Variants in ERCC6L2 observed in about 807,000 individuals in gnomAD.
The protein encoded by ERCC6L2 is DNA excision repair protein ERCC-6-like 2.
Under a neutral mutation model 132.0 loss-of-function variants are expected in ERCC6L2, and 77 were observed. That is an observed-to-expected ratio of 0.58 (90% CI 0.49 to 0.71). The LOEUF (loss-of-function observed/expected upper bound fraction) is 0.71. Ranked by LOEUF, ERCC6L2 falls within the 30% of genes least tolerant of loss-of-function variation. The pLI is 0.00. For missense variants in ERCC6L2, 1,542 were observed against 1,837.6 expected (o/e 0.84, Z 2.94); for synonymous variants, 583 against 632.4 (o/e 0.92, Z 1.17).
chr9:95,975,608 C>T (rs1832635296), intron 16 of ERCC6L2, among the ~76,000 whole-genome samples: 1 of 148,864 alleles, frequency 6.7e-6, no homozygotes, highest in African/African-American at 2.5e-5. Context: ...GTGTTGTTTT[C>T]ACTCAAATTT....
At chr9:95,883,064 G>C (rs921506189) in intron 2 of ERCC6L2, among the ~76,000 whole-genome samples, 3 of 152,074 alleles carry the variant, frequency 2.0e-5, no homozygotes, top group African/African-American at 7.2e-5. Flanking sequence ...ACTTGTATTT[G>C]TTTTATCTGA....
intron 19 of ERCC6L2, among the ~76,000 whole-genome samples, chr9:96,037,560 A>G (rs1465296432): frequency 1.3e-5 from 2 of 152,212 alleles, no homozygotes; most frequent in African/African-American, 4.8e-5. Flanking sequence ...GTGGAGAGAG[A>G]TGCTGTCCAC....
chr9:95,962,036 A>G (rs1172323159), intron 13 of ERCC6L2, among the ~76,000 whole-genome samples: 2 of 152,140 alleles, frequency 1.3e-5, no homozygotes, highest in Non-Finnish European at 2.9e-5. Context: ...CTGCAATTCA[A>G]GATGAGATTT....
intron 19 of ERCC6L2, among the ~76,000 whole-genome samples, chr9:96,027,128 C>CAT (rs1834387609): frequency 6.6e-6 from 1 of 150,780 alleles, no homozygotes; most frequent in Non-Finnish European, 1.5e-5. Context: ...ACACACACCA[C>CAT]ACACAACACA....
At chr9:95,894,533 T>C (rs968209724) in intron 2 of ERCC6L2, among the ~76,000 whole-genome samples, 1 of 151,806 alleles carries the variant, frequency 6.6e-6, no homozygotes, top group African/African-American at 2.4e-5. Context: ...TTCTGTATGG[T>C]TTCTGTCTAC....
intron 17 of ERCC6L2, among the ~76,000 whole-genome samples, chr9:95,988,475 T>C (rs1454082114): frequency 6.6e-6 from 1 of 152,222 alleles, no homozygotes; most frequent in African/African-American, 2.4e-5. Context: ...TAACATTACC[T>C]GCTTCAAAAT....
chr9:95,965,272 T>G (rs1832100469), intron 13 of ERCC6L2, among the ~76,000 whole-genome samples: 1 of 152,184 alleles, frequency 6.6e-6, no homozygotes, highest in Non-Finnish European at 1.5e-5. Context: ...TGTGAGCAAG[T>G]CACTTAATTT....
intron 3 of ERCC6L2, chr9:95,905,213 A>G (rs1828972349): frequency 6.6e-6 from 1 of 152,198 alleles, no homozygotes; most frequent in Non-Finnish European, 1.5e-5. Context: ...TATTTATTGG[A>G]TTGTAGGAAA....
intron 4 of ERCC6L2, among the ~76,000 whole-genome samples, chr9:95,913,486 C>T (rs1410297): frequency 0.093 from 14,167 of 152,148 alleles, 764 homozygotes; most frequent in Admixed American, 0.14. Context: ...CTCTTTCTCT[C>T]TTTCTTTCTT....
intron 3 of ERCC6L2, among the ~76,000 whole-genome samples, chr9:95,898,995 GT>G (rs1192949435): frequency 1.3e-5 from 2 of 152,080 alleles, no homozygotes; most frequent in African/African-American, 2.4e-5. Context: ...CTCAAGTACT[GT>G]TTTTAGCTCT....
At chr9:95,948,573 G>T (rs892020607) in intron 12 of ERCC6L2, among the ~76,000 whole-genome samples, 1 of 152,046 alleles carries the variant, frequency 6.6e-6, no homozygotes, top group Admixed American at 6.6e-5. Flanking sequence ...TTGAACCCGG[G>T]AGGTGGAGGC....
intron 17 of ERCC6L2, among the ~76,000 whole-genome samples, chr9:95,995,373 T>G (rs892843592): frequency 6.6e-6 from 1 of 152,224 alleles, no homozygotes; most frequent in Non-Finnish European, 1.5e-5. Flanking sequence ...TAAATGAAGA[T>G]AAGGAACTTT....
At position 95,972,138 on chromosome 9, in the gene ERCC6L2, C is replaced by T. The variant is rs752582213; in HGVS notation, c.2387C>T (p.Ser796Leu). The T allele has an allele frequency of 1.8e-5, 23 of 1,304,078 alleles. 1 individual carries two copies. The highest frequency in any genetic ancestry group is 1.5e-4 in the African/African-American group (10 of 65,850). The allele number at this position is 1,304,078 out of a possible 1,614,324, so 80.8% of individuals were successfully genotyped here. A position where few individuals can be genotyped will look rare whatever the true frequency, so the allele number is the denominator to read the frequency against. Residue 796 changes from serine (S) to leucine (L), a missense_variant, in exon 16 of 19, where the codon TCG becomes TTG. Physicochemically the swap from Ser to Leu is moderately radical, Grantham distance 145. This residue lies in a region of ERCC6L2 where 945 missense variants were observed against 1,105.2 expected (regional missense o/e 0.86). Coordinates refer to ENST00000653738, the MANE Select transcript of ERCC6L2 (RefSeq NM_020207.7). Reference protein sequence around the residue: ...GQLTLLQCGFSKLLETKCKAV... With the variant: ...GQLTLLQCGFLKLLETKCKAV... ...CTTACCTTACTCCAGTGTGGTTTCT[C>T]GAAATTGCTTGAAACAAAATGTAAA... is the stretch of plus-strand genomic sequence containing the variant.
intron 4 of ERCC6L2, among the ~76,000 whole-genome samples, chr9:95,909,807 A>G (rs1162606282): frequency 2.0e-5 from 3 of 152,104 alleles, no homozygotes; most frequent in Non-Finnish European, 2.9e-5. Context: ...TTTCTCTTGG[A>G]GTAGAATTAC....
chr9:95,887,618 T>C (rs1245587584), intron 2 of ERCC6L2, among the ~76,000 whole-genome samples: 3 of 152,204 alleles, frequency 2.0e-5, no homozygotes, highest in African/African-American at 7.2e-5. Context: ...TTATTAGATA[T>C]TACATTATTG....
At chr9:95,963,912 T>C (rs1293555351) in intron 13 of ERCC6L2, among the ~76,000 whole-genome samples, 1 of 152,154 alleles carries the variant, frequency 6.6e-6, no homozygotes, top group African/African-American at 2.4e-5. Flanking sequence ...TGACCTGCCC[T>C]ACTACTGCTC....
chr9:95,937,730 A>G (rs1404044495), intron 11 of ERCC6L2, among the ~76,000 whole-genome samples: 1 of 151,638 alleles, frequency 6.6e-6, no homozygotes, highest in Non-Finnish European at 1.5e-5. Flanking sequence ...ATTCTCTTTT[A>G]TCTTTGTCAT....
intron 20 of ERCC6L2, among the ~76,000 whole-genome samples, chr9:96,040,076 C>T (rs1163894392): frequency 2.0e-5 from 3 of 151,124 alleles, no homozygotes; most frequent in Admixed American, 6.6e-5. Context: ...AAGACATGGT[C>T]CTTATCTAGA....
At chr9:95,907,787 A>C (rs1829120203) in intron 4 of ERCC6L2, among the ~76,000 whole-genome samples, 1 of 124,966 alleles carries the variant, frequency 8.0e-6, no homozygotes, top group African/African-American at 2.9e-5. Context: ...GAATTATTTC[A>C]ATTATGGGAG....
Sources: allele counts gnomAD v4.1 joint callset (sites outside exome capture counted in the v4.1 genomes callset), GRCh38; gene constraint gnomAD v4.1.1; regional missense constraint gnomAD v4.1.1; transcripts MANE v1.5; gene names NCBI Gene and HGNC (gene_info 2026-07-23, HGNC 2026-07-21).